TENM3: variants seen among roughly 807,000 people sequenced by gnomAD.
TENM3 encodes the protein teneurin transmembrane protein 3.
In TENM3, 63 loss-of-function variants were observed where a neutral mutation model predicts 255.1. The ratio of observed to expected loss-of-function variants is 0.25; its 90% confidence interval spans 0.20 to 0.30. The LOEUF (loss-of-function observed/expected upper bound fraction) is 0.30. Ranked by LOEUF, TENM3 falls within the 10% of genes least tolerant of loss-of-function variation. TENM3 has a pLI of 1.00. For missense variants in TENM3, 2,929 were observed against 3,461.1 expected (o/e 0.85, Z 3.86); for synonymous variants, 1,306 against 1,322.3 (o/e 0.99, Z 0.27).
chr4:182,658,441 T>TTAGCCTAG (rs1316387855), intron 6 of TENM3, among the ~76,000 whole-genome samples: 1 of 152,192 alleles, frequency 6.6e-6, no homozygotes, highest in Non-Finnish European at 1.5e-5. Flanking sequence ...CTCAAATCAG[T>TTAGCCTAG]AAGTCCAGCC....
intron 21 of TENM3, among the ~76,000 whole-genome samples, chr4:182,753,900 C>T (rs1762541311): frequency 6.6e-6 from 1 of 152,168 alleles, no homozygotes; most frequent in South Asian, 2.1e-4. Context: ...AACCAAACAA[C>T]TGAAATCTCT....
intron 2 of TENM3, among the ~76,000 whole-genome samples, chr4:182,341,940 C>A (rs1285709763): frequency 6.6e-6 from 1 of 152,156 alleles, no homozygotes; most frequent in East Asian, 1.9e-4. Context: ...ATTGCGAACT[C>A]CAAGTCCCAC....
intron 1 of TENM3, among the ~76,000 whole-genome samples, chr4:182,212,173 G>T (rs545096913): frequency 1.3e-5 from 2 of 152,156 alleles, no homozygotes; most frequent in Non-Finnish European, 2.9e-5. Flanking sequence ...TTTATAAAAG[G>T]TCTGTACATT....
the TENM3 span, among the ~76,000 whole-genome samples, chr4:181,934,051 T>TGC: frequency 8.2e-6 from 1 of 122,394 alleles, no homozygotes; most frequent in East Asian, 2.0e-4. Context: ...CCCCTTTCTG[T>TGC]GTGTGTGTGT....
At chr4:182,335,494 C>A (rs1340737837) in intron 2 of TENM3, among the ~76,000 whole-genome samples, 28 of 52,394 alleles carry the variant, frequency 5.3e-4, no homozygotes, top group South Asian at 2.8e-3. Context: ...GACTCCGCCT[C>A]AAAAAAAAAA....
At chr4:181,989,132 G>A in the TENM3 span, among the ~76,000 whole-genome samples, 1 of 152,088 alleles carries the variant, frequency 6.6e-6, no homozygotes, top group East Asian at 1.9e-4. Flanking sequence ...ATTCAAATAT[G>A]TACGTGGTCT....
chr4:182,033,304 AG>A, the TENM3 span, among the ~76,000 whole-genome samples: 1 of 152,158 alleles, frequency 6.6e-6, no homozygotes, highest in Admixed American at 6.5e-5. Context: ...CTATTTACCC[AG>A]GAGCCATTCA....
At chr4:182,048,909 T>C in the TENM3 span, among the ~76,000 whole-genome samples, 1 of 152,200 alleles carries the variant, frequency 6.6e-6, no homozygotes, top group Non-Finnish European at 1.5e-5. Flanking sequence ...GAATGGTAAG[T>C]TGTTTTCATG....
chr4:182,418,651 C>T (rs1003769165), intron 3 of TENM3, among the ~76,000 whole-genome samples: 1 of 152,196 alleles, frequency 6.6e-6, no homozygotes, highest in African/African-American at 2.4e-5. Context: ...GCCTCGACCT[C>T]CCCGTGCTCA....
intron 1 of TENM3, among the ~76,000 whole-genome samples, chr4:182,159,459 T>TC: frequency 1.6e-5 from 1 of 60,818 alleles, no homozygotes; most frequent in East Asian, 2.7e-4. Flanking sequence ...TGTGTGTGTG[T>TC]GTGTGTGTGT....
At chr4:181,497,260 T>C in the TENM3 span, among the ~76,000 whole-genome samples, 1 of 152,162 alleles carries the variant, frequency 6.6e-6, no homozygotes, top group African/African-American at 2.4e-5. Flanking sequence ...CTGGGAATCA[T>C]TATATTTTTA....
At chr4:182,422,583 T>C (rs1413622937) in intron 3 of TENM3, among the ~76,000 whole-genome samples, 1 of 152,208 alleles carries the variant, frequency 6.6e-6, no homozygotes, top group African/African-American at 2.4e-5. Context: ...TTAAGAATTC[T>C]CTCCGGCTTT....
At chr4:181,862,030 A>G in the TENM3 span, among the ~76,000 whole-genome samples, 88,784 of 151,934 alleles carry the variant, frequency 0.58, 26,977 homozygotes, top group East Asian at 0.82. Flanking sequence ...TTCAATATTG[A>G]TTTGTATTTG....
chr4:182,510,719 A>G (rs374067341), intron 3 of TENM3, among the ~76,000 whole-genome samples: 28 of 152,294 alleles, frequency 1.8e-4, no homozygotes, highest in East Asian at 1.5e-3. Context: ...AACTTCCCCT[A>G]TAGCATTGTC....
chr4:182,510,408 G>A (rs186154368), intron 3 of TENM3, among the ~76,000 whole-genome samples: 59 of 152,224 alleles, frequency 3.9e-4, no homozygotes, highest in Non-Finnish European at 6.3e-4. Context: ...ATGTGATTAT[G>A]TCATGTCCCA....
At chr4:182,129,581 C>T in the TENM3 span, among the ~76,000 whole-genome samples, 3 of 151,974 alleles carry the variant, frequency 2.0e-5, no homozygotes, top group Admixed American at 1.3e-4. Flanking sequence ...CTTTAGGTGT[C>T]GAAGGATAGG....
chr4:181,907,426 C>A, the TENM3 span, among the ~76,000 whole-genome samples: 1 of 152,084 alleles, frequency 6.6e-6, no homozygotes, highest in Non-Finnish European at 1.5e-5. Flanking sequence ...ATGAAATCTC[C>A]CAAGATTTTC....
At chr4:181,875,081 A>T in the TENM3 span, among the ~76,000 whole-genome samples, 1 of 152,174 alleles carries the variant, frequency 6.6e-6, no homozygotes, top group Non-Finnish European at 1.5e-5. Context: ...GTGATAGACA[A>T]AATAATTGCA....
At chr4:182,211,973 G>A (rs146750335) in intron 1 of TENM3, among the ~76,000 whole-genome samples, 143 of 152,224 alleles carry the variant, frequency 9.4e-4, no homozygotes, top group African/African-American at 3.2e-3. Context: ...AGCCTGGCAC[G>A]TGTGACATAC....
Sources: allele counts gnomAD v4.1 joint callset (sites outside exome capture counted in the v4.1 genomes callset), GRCh38; gene constraint gnomAD v4.1.1; transcripts MANE v1.5; gene names NCBI Gene and HGNC (gene_info 2026-07-23, HGNC 2026-07-21).